SSBP2: variants seen among roughly 807,000 people sequenced by gnomAD.
SSBP2 encodes single-stranded DNA-binding protein 2.
SSBP2 carries 17 observed loss-of-function variants against 61.8 expected under a neutral mutation model. The observed-to-expected ratio is 0.28, with a 90% CI of 0.19 to 0.41. The LOEUF (loss-of-function observed/expected upper bound fraction) is 0.41, where lower values mean the gene tolerates loss of function less well. Ranked by LOEUF, SSBP2 falls within the 10% of genes least tolerant of loss-of-function variation. The probability of loss-of-function intolerance (pLI) is 1.00; values close to 1 mark genes in which losing one functional copy is unlikely to be tolerated. For missense variants in SSBP2, 310 were observed against 458.7 expected (o/e 0.68, Z 2.96); for synonymous variants, 139 against 141.3 (o/e 0.98, Z 0.12).
At chr5:81,527,209 A>C (rs1448926693) in intron 4 of SSBP2, among the ~76,000 whole-genome samples, 2 of 151,988 alleles carry the variant, frequency 1.3e-5, no homozygotes, top group Non-Finnish European at 1.5e-5. Flanking sequence ...TATTAGATGT[A>C]ATATTTTTAA....
At chr5:81,652,973 TG>T (rs982069494) in intron 1 of SSBP2, among the ~76,000 whole-genome samples, 2 of 151,266 alleles carry the variant, frequency 1.3e-5, no homozygotes, top group African/African-American at 4.9e-5. Flanking sequence ...CTTTAAGTTC[TG>T]GGATACATGT....
At chr5:81,460,878 C>A (rs1484543339) in intron 10 of SSBP2, among the ~76,000 whole-genome samples, 177 bp downstream of exon 10, 1 of 151,946 alleles carries the variant, frequency 6.6e-6, no homozygotes, top group African/African-American at 2.4e-5. Flanking sequence ...AAGAAAATTA[C>A]ATAATTTCAA....
intron 4 of SSBP2, among the ~76,000 whole-genome samples, chr5:81,573,464 G>C (rs1581058332): frequency 6.6e-6 from 1 of 152,194 alleles, no homozygotes; most frequent in African/African-American, 2.4e-5. Context: ...CCACCAAGGA[G>C]AACATAAAAC....
At chr5:81,516,647 A>C (rs1008376253) in intron 4 of SSBP2, among the ~76,000 whole-genome samples, 1 of 152,082 alleles carries the variant, frequency 6.6e-6, no homozygotes, top group South Asian at 2.1e-4. Context: ...TATGCTGATC[A>C]TTAACATATA....
rs1453692261 is a variant in SSBP2 at position 81,445,138 on chromosome 5, T to TATATACA, written c.778+1729_778+1730insTGTATAT. Among the ~76,000 whole-genome samples the TATATACA allele has an allele frequency of 2.5e-3, 85 of 33,886 alleles. 11 individuals are homozygous for TATATACA. Among genetic ancestry groups the TATATACA allele is most frequent in the African/African-American group, 8.1e-3 (78 of 9,676 alleles). The allele number at this position is 33,886 out of a possible 152,430, so 22.2% of individuals were successfully genotyped here. On this transcript the variant is annotated intron_variant, in intron 12 of 16. Transcript: ENST00000320672. ...TGTCTCAGCAAAGAAAAAAAAAATT[T>TATATACA]TATATATATATATATATATATATAT...
intron 10 of SSBP2, among the ~76,000 whole-genome samples, chr5:81,456,904 T>A (rs1453577791): frequency 6.6e-6 from 1 of 152,130 alleles, no homozygotes; most frequent in Non-Finnish European, 1.5e-5. Flanking sequence ...CTTATAAACA[T>A]GGAAAGTAGA....
chr5:81,711,785 A>G (rs1239161199), intron 1 of SSBP2, among the ~76,000 whole-genome samples: 1 of 152,014 alleles, frequency 6.6e-6, no homozygotes, highest in African/African-American at 2.4e-5. Flanking sequence ...TGGGTTCTGG[A>G]GCCAGACTAC....
chr5:81,542,399 A>G (rs1771342906), intron 4 of SSBP2, among the ~76,000 whole-genome samples: 1 of 152,156 alleles, frequency 6.6e-6, no homozygotes, highest in Non-Finnish European at 1.5e-5. Context: ...CAGCAATCCC[A>G]TTACTTGGCA....
At chr5:81,589,210 TAATA>T (rs1345832781) in intron 4 of SSBP2, among the ~76,000 whole-genome samples, 3 of 152,190 alleles carry the variant, frequency 2.0e-5, no homozygotes, top group Non-Finnish European at 4.4e-5. Flanking sequence ...CATGGGCAAC[TAATA>T]AATTAAAAGA....
At position 81,736,033 on chromosome 5, in the gene SSBP2, C is replaced by T. The variant is rs1581446967; in HGVS notation, c.62+14948G>A. 4.6e-5 allele frequency among the ~76,000 whole-genome samples: 7 copies of T among 152,166 alleles called. No individual in the cohort carries two copies. The South Asian group carries it at 1.5e-3, about 32-fold the overall frequency. ...GTCGCTGCCCAATCTTAAGAGTGGG[C>T]CCCACTGGCCTCAGGATGAATTCAT... On this transcript the variant is annotated intron_variant, in intron 1 of 16. Coordinates refer to ENST00000320672, the MANE Select transcript of SSBP2 (RefSeq NM_012446.5).
rs1445006466 is a variant in SSBP2 at position 81,455,604 on chromosome 5, C to T, written c.687+5451G>A. ...ACTGCAGTCCGCAGTCCGGCCTGGGCGACAGAGCGAGACTCCGTCTCAAAA... is the reference window on the plus strand; with the variant it reads ...ACTGCAGTCCGCAGTCCGGCCTGGGTGACAGAGCGAGACTCCGTCTCAAAA... On this transcript the variant is annotated intron_variant, in intron 10 of 16. Coordinates refer to ENST00000320672, the MANE Select transcript of SSBP2 (RefSeq NM_012446.5). Among the ~76,000 whole-genome samples the T allele has an allele frequency of 1.0e-4, 4 of 39,970 alleles. No individual in the cohort carries two copies. In the East Asian group the frequency reaches 1.1e-3, roughly 11 times the overall value. 26.2% of individuals were successfully genotyped at this position (39,970 alleles called of 152,430 possible).
At chr5:81,427,104 T>G (rs993167729) in intron 16 of SSBP2, among the ~76,000 whole-genome samples, 1 of 152,136 alleles carries the variant, frequency 6.6e-6, no homozygotes, top group African/African-American at 2.4e-5. Flanking sequence ...ATCAAATACC[T>G]CACTGAATTA....
intron 1 of SSBP2, among the ~76,000 whole-genome samples, chr5:81,698,043 A>C (rs1753712160): frequency 1.3e-5 from 2 of 152,168 alleles, no homozygotes; most frequent in Non-Finnish European, 2.9e-5. Context: ...ACTATCTCCT[A>C]AAATGTTAAA....
chr5:81,506,320 G>C (rs527487229), intron 5 of SSBP2, among the ~76,000 whole-genome samples: 19 of 151,972 alleles, frequency 1.3e-4, no homozygotes, highest in Non-Finnish European at 2.1e-4. Flanking sequence ...CTAAATCCTA[G>C]GTGTATTTAA....
intron 1 of SSBP2, among the ~76,000 whole-genome samples, chr5:81,664,956 T>C (rs893680605): frequency 6.6e-6 from 1 of 152,168 alleles, no homozygotes; most frequent in African/African-American, 2.4e-5. Context: ...GCTATTTTGC[T>C]TACTGTAGCC....
intron 4 of SSBP2, among the ~76,000 whole-genome samples, chr5:81,579,230 C>A (rs987477195): frequency 6.6e-5 from 10 of 151,782 alleles, no homozygotes; most frequent in African/African-American, 2.2e-4. Context: ...AAACAAGTTT[C>A]TTATTGTTTT....
At chr5:81,526,325 T>G (rs578189890) in intron 4 of SSBP2, among the ~76,000 whole-genome samples, 59 of 152,178 alleles carry the variant, frequency 3.9e-4, no homozygotes, top group African/African-American at 1.4e-3. Context: ...AAATTGTTTA[T>G]TGTTTCACCC....
intron 1 of SSBP2, among the ~76,000 whole-genome samples, chr5:81,709,744 T>C (rs1754642239): frequency 6.6e-6 from 1 of 151,906 alleles, no homozygotes; most frequent in Non-Finnish European, 1.5e-5. Context: ...TGGTATTAGT[T>C]TCTTTATAAA....
chr5:81,446,918 G>T lies in SSBP2; in HGVS notation c.728C>A (p.Pro243His). 12 of 1,599,710 alleles carry T rather than the reference G, an allele frequency of 7.5e-6. No homozygotes were observed. The highest frequency in any genetic ancestry group is 1.0e-5 in the Non-Finnish European group (12 of 1,173,828). Residue 243 changes from proline (P) to histidine (H), a missense_variant, in exon 12 of 17, where the codon CCT becomes CAT. Coordinates refer to ENST00000320672, the MANE Select transcript of SSBP2 (RefSeq NM_012446.5). ...TCCTGGTGGCCCTCCACCTCCTGGA[G>T]GACCCTAAATAATTATACAAAATTT... is the stretch of plus-strand genomic sequence containing the variant.
Sources: gnomAD v4.1 joint callset for allele counts (sites outside exome capture counted in the v4.1 genomes callset) on GRCh38, gnomAD v4.1.1 for gene constraint, MANE v1.5 for transcripts, NCBI Gene and HGNC (gene_info 2026-07-23, HGNC 2026-07-21) for gene names.